Variants in KLF8 observed in about 807,000 individuals in gnomAD.
KLF8 encodes Krueppel-like factor 8.
Under a neutral mutation model 18.2 loss-of-function variants are expected in KLF8, and 10 were observed. The observed-to-expected ratio is 0.55, with a 90% CI of 0.34 to 0.93. The LOEUF is 0.93. KLF8 is among the 40% of genes least tolerant of loss of function. The pLI, the probability that KLF8 is intolerant of heterozygous loss-of-function variation, is 0.02. For missense variants in KLF8, 264 were observed against 277.9 expected (o/e 0.95, Z 0.36); for synonymous variants, 109 against 97.3 (o/e 1.12, Z -0.71).
chrX:55,984,666 G>A, the KLF8 span, among the ~76,000 whole-genome samples: 1 of 111,173 alleles, frequency 9.0e-6, no homozygotes, highest in South Asian at 3.9e-4. Context: ...GGTCAAAATG[G>A]TATTTCTGCT....
At chrX:56,047,353 TG>T in the KLF8 span, among the ~76,000 whole-genome samples, 1 of 109,600 alleles carries the variant, frequency 9.1e-6, no homozygotes, top group Non-Finnish European at 1.9e-5. Flanking sequence ...GCCATGTTGG[TG>T]TGCAGCACCC....
rs112856172 is a variant in KLF8, at chrX:56,269,602, T to A, written c.758+113T>A. On this transcript the variant is annotated intron_variant, in intron 4 of 5. Transcript: ENST00000468660. ...AATGATCAGACACAAGAGTAAGAAT[T>A]TGAGGACAAGAAATATAGGGAGACT... 4.2e-3 allele frequency: 4,253 copies of A among 1,023,140 alleles called. 9 individuals are homozygous for A. Among genetic ancestry groups the A allele is most frequent in the Non-Finnish European group, 5.0e-3 (4,016 of 801,767 alleles). The allele number at this position is 1,023,140 out of a possible 1,213,427, so 84.3% of individuals were successfully genotyped here.
the KLF8 span, among the ~76,000 whole-genome samples, chrX:55,936,329 A>G: frequency 2.7e-5 from 3 of 112,641 alleles, no homozygotes; most frequent in African/African-American, 6.4e-5. Flanking sequence ...GAACAAGACA[A>G]AAAAAGCAAT....
chrX:56,106,627 G>A, the KLF8 span, among the ~76,000 whole-genome samples: 1 of 111,657 alleles, frequency 9.0e-6, no homozygotes, highest in Admixed American at 9.5e-5. Context: ...CTTATTTCAA[G>A]GTTTTTAGCT....
chrX:56,223,158 C>T, the KLF8 span, among the ~76,000 whole-genome samples: 2 of 113,274 alleles, frequency 1.8e-5, no homozygotes, highest in Admixed American at 1.8e-4. Flanking sequence ...ATCAAAACAA[C>T]TGAAAGGAGT....
the KLF8 span, among the ~76,000 whole-genome samples, chrX:56,172,192 G>A: frequency 9.1e-6 from 1 of 109,506 alleles, no homozygotes. Context: ...GTGCCATATT[G>A]GTGTGCTGCA....
At chrX:56,142,654 A>G in the KLF8 span, among the ~76,000 whole-genome samples, 1 of 111,762 alleles carries the variant, frequency 8.9e-6, no homozygotes, top group Non-Finnish European at 1.9e-5. Flanking sequence ...AGGCATCTCA[A>G]ACTTAACATG....
At chrX:56,175,645 A>G in the KLF8 span, among the ~76,000 whole-genome samples, 1 of 110,904 alleles carries the variant, frequency 9.0e-6, no homozygotes, top group Admixed American at 9.7e-5. Context: ...TCAATTCCTT[A>G]ATATCCTTAT....
chrX:55,947,306 C>T, the KLF8 span, among the ~76,000 whole-genome samples: 1 of 109,808 alleles, frequency 9.1e-6, no homozygotes, highest in Non-Finnish European at 1.9e-5. Flanking sequence ...ACTATTCGGC[C>T]ATAAAAAATG....
In KLF8 at chrX:56,258,811, A is replaced by G. The variant is rs143201287; in HGVS notation, c.82-6369A>G. Among the ~76,000 whole-genome samples, 1,026 of 111,662 alleles carry G rather than the reference A, an allele frequency of 9.2e-3. 11 individuals are homozygous for G. Among genetic ancestry groups the G allele is most frequent in the African/African-American group, 0.032 (984 of 30,746 alleles). ...TGCTTGTGATACATGGCCACAGCAC[A>G]CTGGCCATGTCTCAGGTGACAAGGA... On this transcript the variant is annotated intron_variant, in intron 2 of 5. Coordinates refer to ENST00000468660, the MANE Select transcript of KLF8 (RefSeq NM_007250.5).
the KLF8 span, among the ~76,000 whole-genome samples, chrX:55,988,502 A>T: frequency 9.0e-6 from 1 of 111,665 alleles, no homozygotes; most frequent in East Asian, 2.8e-4. Context: ...GTCAAAGATC[A>T]GATAGTTGTA....
chrX:56,071,288 T>C, the KLF8 span, among the ~76,000 whole-genome samples: 1 of 111,856 alleles, frequency 8.9e-6, no homozygotes, highest in Non-Finnish European at 1.9e-5. Context: ...TTTATCAGCG[T>C]AATGAGGTAG....
chrX:55,961,536 A>G, the KLF8 span: 1 of 545,856 alleles, frequency 1.8e-6, no homozygotes, highest in Non-Finnish European at 3.4e-6. Context: ...CATCTGCAGA[A>G]CTAGCCCTGG....
chrX:56,009,512 G>A, the KLF8 span, among the ~76,000 whole-genome samples: 1 of 112,166 alleles, frequency 8.9e-6, no homozygotes, highest in Non-Finnish European at 1.9e-5. Context: ...AAGAATTAAT[G>A]AAGAAACACT....
At chrX:56,056,904 G>C in the KLF8 span, among the ~76,000 whole-genome samples, 1 of 106,462 alleles carries the variant, frequency 9.4e-6, no homozygotes, top group Non-Finnish European at 1.9e-5. Context: ...CTGGTCACTA[G>C]ACTCTGATGG....
At chrX:56,046,770 TA>T in the KLF8 span, among the ~76,000 whole-genome samples, 1 of 111,649 alleles carries the variant, frequency 9.0e-6, no homozygotes, top group Non-Finnish European at 1.9e-5. Flanking sequence ...ATACATTTTT[TA>T]TAGGTTACCT....
chrX:55,937,718 G>A, the KLF8 span, among the ~76,000 whole-genome samples: 3 of 112,551 alleles, frequency 2.7e-5, no homozygotes, highest in African/African-American at 9.7e-5. Context: ...TGAGAACTAC[G>A]TGATGAATGC....
chrX:55,940,508 G>T, the KLF8 span, among the ~76,000 whole-genome samples: 1 of 111,730 alleles, frequency 9.0e-6, no homozygotes, highest in African/African-American at 3.3e-5. Context: ...ATTCAACATA[G>T]TGTTGAAATT....
chrX:55,990,985 T>C, the KLF8 span, among the ~76,000 whole-genome samples: 1 of 112,277 alleles, frequency 8.9e-6, no homozygotes, highest in Non-Finnish European at 1.9e-5. Flanking sequence ...CATTCTCAGA[T>C]CTCCAGCTGC....
Sources: gnomAD v4.1 joint callset for allele counts (sites outside exome capture counted in the v4.1 genomes callset) on GRCh38, gnomAD v4.1.1 for gene constraint, MANE v1.5 for transcripts, NCBI Gene and HGNC (gene_info 2026-07-23, HGNC 2026-07-21) for gene names.